Variants in NBEAL1 observed in about 807,000 individuals in gnomAD.
The protein encoded by NBEAL1 is neurobeachin-like protein 1.
Under a neutral mutation model 351.3 loss-of-function variants are expected in NBEAL1, and 273 were observed. The observed-to-expected ratio is 0.78, with a 90% CI of 0.70 to 0.86. The LOEUF is 0.86. NBEAL1 is among the 40% of genes least tolerant of loss of function. NBEAL1 has a pLI of 0.00. For missense variants in NBEAL1, 2,961 were observed against 3,201.3 expected, an observed-to-expected ratio of 0.92 and a Z score of 1.81; for synonymous variants, 1,050 against 1,086.4, an observed-to-expected ratio of 0.97 and a Z score of 0.66.
At chr2:203,103,898 G>A (rs2062379489) in intron 12 of NBEAL1, among the ~76,000 whole-genome samples, 1 of 152,144 alleles carries the variant, frequency 6.6e-6, no homozygotes, top group Non-Finnish European at 1.5e-5. Context: ...TAATTTTCAT[G>A]TAAGCGTGTG....
At chr2:203,216,591 A>C (rs532843672) in intron 55 of NBEAL1, among the ~76,000 whole-genome samples, 39 of 152,270 alleles carry the variant, frequency 2.6e-4, no homozygotes, top group African/African-American at 9.4e-4. Context: ...CAAATAAAAA[A>C]TTAATTAAAA....
intron 15 of NBEAL1, among the ~76,000 whole-genome samples, chr2:203,110,664 A>T (rs1049613886): frequency 7.6e-6 from 1 of 131,660 alleles, no homozygotes; most frequent in South Asian, 2.6e-4. Context: ...ACAGAGTGAG[A>T]TCCTGTCTCA....
intron 12 of NBEAL1, among the ~76,000 whole-genome samples, chr2:203,102,995 G>C (rs181384730): frequency 6.6e-6 from 1 of 152,150 alleles, no homozygotes; most frequent in East Asian, 1.9e-4. Flanking sequence ...ACTCATTATT[G>C]GTCTTTACTG....
chr2:203,162,851 A>T (rs1172155330), intron 36 of NBEAL1, among the ~76,000 whole-genome samples: 2 of 151,886 alleles, frequency 1.3e-5, no homozygotes, highest in Non-Finnish European at 2.9e-5. Flanking sequence ...TCTCACAAAA[A>T]ATATATATAT....
chr2:203,187,367 GTTTTT>G lies in NBEAL1; in HGVS notation c.6706-1088_6706-1084del, dbSNP rs71034225. Among the ~76,000 whole-genome samples the G allele has an allele frequency of 3.8e-4, 33 of 87,790 alleles. No homozygotes were observed. In the East Asian group the frequency reaches 6.8e-3, roughly 18 times the overall value. 57.6% of individuals were successfully genotyped at this position (87,790 alleles called of 152,430 possible). ...GCCACCATGCCTGGCTCTTGCAATG[GTTTTT>G]TTTTTTTTTTTTTTTTGAATCCAGC... On this transcript the variant is annotated intron_variant, in intron 44 of 55. Transcript: ENST00000683969.
chr2:203,077,731 T>G, intron 7 of NBEAL1, 21 bp from the exon 8 acceptor site: 1 of 1,182,602 alleles, frequency 8.5e-7, no homozygotes, highest in Non-Finnish European at 1.1e-6. Context: ...ATTTATTTAT[T>G]TATTTATTTA....
rs753976856 is a variant in NBEAL1, at chr2:203,169,879, A to G, written c.6102+28A>G. On this transcript the variant is annotated intron_variant, in intron 39 of 55. Coordinates refer to ENST00000683969, the MANE Select transcript of NBEAL1 (RefSeq NM_001378026.1). ...AGGAAATTGTAATAGTCTCTAATGA[A>G]CTGTTCTGCTCTTCATTTTAAGTAA... 3.1e-6 allele frequency: 4 copies of G among 1,274,104 alleles called. No homozygotes were observed. The East Asian group carries it at 9.4e-5, about 30-fold the overall frequency. The allele number at this position is 1,274,104 out of a possible 1,614,324, so 78.9% of individuals were successfully genotyped here.
chr2:203,189,707 T>C (rs2065010669), intron 45 of NBEAL1, among the ~76,000 whole-genome samples: 1 of 151,814 alleles, frequency 6.6e-6, no homozygotes, highest in Non-Finnish European at 1.5e-5. Flanking sequence ...CTTCATAGAA[T>C]ATCATTTAAC....
In NBEAL1 at chr2:203,144,917, C is replaced by CT; in HGVS notation, c.5154+18dup. The stretch of plus-strand genomic sequence containing the variant: ...ACATTGAAAAATATGTAAGTTTTAT[C>CT]TTTTTTGATCAAGATTTTTCTGCTA... On this transcript the variant is annotated intron_variant, in intron 32 of 55. Coordinates refer to ENST00000683969, the MANE Select transcript of NBEAL1 (RefSeq NM_001378026.1). The CT allele has an allele frequency of 6.4e-7, 1 of 1,553,140 alleles. No homozygotes were observed. Among genetic ancestry groups the CT allele is most frequent in the Non-Finnish European group, 8.7e-7 (1 of 1,152,198 alleles).
chr2:203,197,933 A>AT (rs1350983499), intron 48 of NBEAL1, among the ~76,000 whole-genome samples: 1 of 151,712 alleles, frequency 6.6e-6, no homozygotes, highest in Non-Finnish European at 1.5e-5. Context: ...AAATAAATAA[A>AT]AAGATACACA....
chr2:203,181,101 AT>A (rs967110821), intron 43 of NBEAL1: 30 of 144,470 alleles, frequency 2.1e-4, no homozygotes, highest in Admixed American at 3.5e-4. Context: ...CATGCCTGCA[AT>A]TTTTTTTTTT....
At chr2:203,108,406 T>G (rs909308868) in intron 14 of NBEAL1, among the ~76,000 whole-genome samples, 11 of 152,048 alleles carry the variant, frequency 7.2e-5, no homozygotes, top group African/African-American at 1.4e-4. Context: ...GTTTTTTTTT[T>G]TTGTTTTTTT....
At chr2:203,129,898 G>T (rs1465453406) in intron 24 of NBEAL1, among the ~76,000 whole-genome samples, 1 of 152,186 alleles carries the variant, frequency 6.6e-6, no homozygotes, top group African/African-American at 2.4e-5. Flanking sequence ...AGCATATCTG[G>T]TTCAAAAGAT....
At chr2:203,124,722 A>G (rs1372657746) in intron 19 of NBEAL1, among the ~76,000 whole-genome samples, 1 of 152,216 alleles carries the variant, frequency 6.6e-6, no homozygotes, top group Non-Finnish European at 1.5e-5. Flanking sequence ...TATCGACTGT[A>G]TGTCAGAGAC....
intron 42 of NBEAL1, among the ~76,000 whole-genome samples, chr2:203,176,063 G>A (rs2064489077): frequency 6.6e-6 from 1 of 151,832 alleles, no homozygotes; most frequent in African/African-American, 2.4e-5. Flanking sequence ...TGTAACCTTT[G>A]ATGGTGACCT....
chr2:203,083,976 C>CTGTGTGTGTGTGTGTGTGTGTG (rs59252809), intron 9 of NBEAL1, among the ~76,000 whole-genome samples: 1 of 134,106 alleles, frequency 7.5e-6, no homozygotes, highest in African/African-American at 2.8e-5. Flanking sequence ...TCCTCAGAGC[C>CTGTGTGTGTGTGTGTGTGTGTG]TGTGTGTGTG....
intron 44 of NBEAL1, among the ~76,000 whole-genome samples, chr2:203,187,367 G>GTTTTTT (rs71034225): frequency 2.3e-5 from 2 of 87,780 alleles, no homozygotes; most frequent in Non-Finnish European, 2.1e-5. Flanking sequence ...TCTTGCAATG[G>GTTTTTT]TTTTTTTTTT....
At chr2:203,190,600 C>G in intron 46 of NBEAL1, 1 of 599,724 alleles carries the variant, frequency 1.7e-6, no homozygotes, top group Admixed American at 3.3e-5. Flanking sequence ...CATGCTGGGA[C>G]TCATTCCACA....
chr2:203,177,110 C>T (rs1280086048), intron 42 of NBEAL1, among the ~76,000 whole-genome samples: 1 of 145,530 alleles, frequency 6.9e-6, no homozygotes, highest in African/African-American at 2.6e-5. Context: ...ATGATTGCAC[C>T]ACTGTACTCC....
Sources: gnomAD v4.1 joint callset for allele counts (sites outside exome capture counted in the v4.1 genomes callset) on GRCh38, gnomAD v4.1.1 for gene constraint, MANE v1.5 for transcripts, NCBI Gene and HGNC (gene_info 2026-07-23, HGNC 2026-07-21) for gene names.